GRID2: variants seen among roughly 807,000 people sequenced by gnomAD.
The protein encoded by GRID2 is glutamate receptor ionotropic, delta-2.
Under a neutral mutation model 114.8 loss-of-function variants are expected in GRID2, and 33 were observed. The observed-to-expected ratio is 0.29, with a 90% CI of 0.22 to 0.38. The LOEUF (loss-of-function observed/expected upper bound fraction) is 0.38. GRID2 is among the 10% of genes least tolerant of loss of function. The pLI, the probability that GRID2 is intolerant of heterozygous loss-of-function variation, is 1.00. For missense variants in GRID2, 1,184 were observed against 1,257.7 expected (o/e 0.94, Z 0.89); for synonymous variants, 505 against 449.9 (o/e 1.12, Z -1.55).
chr4:92,628,750 G>C (rs1263163632), intron 2 of GRID2, among the ~76,000 whole-genome samples: 1 of 151,938 alleles, frequency 6.6e-6, no homozygotes, highest in Non-Finnish European at 1.5e-5. Flanking sequence ...CTCCAATCTG[G>C]GCTTCTCTGA....
chr4:92,652,483 G>T (rs1233654375), intron 2 of GRID2, among the ~76,000 whole-genome samples: 1 of 151,518 alleles, frequency 6.6e-6, no homozygotes. Flanking sequence ...TTTGAGGCTT[G>T]CCTGGGCACC....
intron 10 of GRID2, among the ~76,000 whole-genome samples, chr4:93,447,955 C>T (rs182536611): frequency 2.0e-5 from 3 of 151,668 alleles, no homozygotes; most frequent in Middle Eastern, 3.6e-3. Context: ...ATATTTAATC[C>T]GTCAGCATAT....
At chr4:93,506,244 C>T (rs763822652) in intron 12 of GRID2, among the ~76,000 whole-genome samples, 6 of 152,118 alleles carry the variant, frequency 3.9e-5, no homozygotes, top group African/African-American at 7.2e-5. Flanking sequence ...ACCCAGAATA[C>T]TTTCGTCGGG....
rs189680634 is a variant in GRID2, at chr4:92,919,094, T to C, written c.245-165901T>C. On this transcript the variant is annotated intron_variant, in intron 2 of 15. Coordinates refer to ENST00000282020, the MANE Select transcript of GRID2 (RefSeq NM_001510.4). Reference sequence around the variant, plus strand: ...TTTAGTCTTGGAAGAGTGTATGTGTTGAGGAATTTATCCATTTTTTCTAGA... The same window carrying C: ...TTTAGTCTTGGAAGAGTGTATGTGTCGAGGAATTTATCCATTTTTTCTAGA... 2.2e-4 allele frequency among the ~76,000 whole-genome samples: 33 copies of C among 152,176 alleles called. No homozygotes were observed. The East Asian group carries it at 6.0e-3, about 28-fold the overall frequency.
chr4:92,477,562 A>G (rs1722379019), intron 1 of GRID2, among the ~76,000 whole-genome samples: 1 of 151,706 alleles, frequency 6.6e-6, no homozygotes, highest in African/African-American at 2.4e-5. Flanking sequence ...TTATCACTCT[A>G]ACCCTCTAGG....
At chr4:93,368,932 A>G (rs770317905) in intron 8 of GRID2, among the ~76,000 whole-genome samples, 46 of 151,974 alleles carry the variant, frequency 3.0e-4, no homozygotes, top group Non-Finnish European at 5.9e-5. Flanking sequence ...AGTTTTAGTT[A>G]TTGATTCAAC....
intron 4 of GRID2, chr4:93,164,660 A>G (rs557866195): frequency 3.4e-5 from 13 of 382,062 alleles, no homozygotes; most frequent in Non-Finnish European, 5.5e-5. Context: ...AATACCGGTT[A>G]TCCTTGTTTG....
Position 92,415,732 on chromosome 4 carries a change from GTATGTGTGTATATATATATA to G in GRID2, c.88+110992_88+111011del, listed in dbSNP as rs1313307902. 6.8e-5 allele frequency among the ~76,000 whole-genome samples: 5 copies of G among 73,942 alleles called. No individual in the cohort carries two copies. The East Asian group carries it at 1.7e-3, about 26-fold the overall frequency. The allele number at this position is 73,942 out of a possible 152,430, so 48.5% of individuals were successfully genotyped here. A position where few individuals can be genotyped will look rare whatever the true frequency, so the allele number is the denominator to read the frequency against. ...TGTATGTGTGTGTGTGTGTGTGTGT[GTATGTGTGTATATATATATA>G]TATATATATATATATATATATATAT... On this transcript the variant is annotated intron_variant, in intron 1 of 15. Coordinates refer to ENST00000282020, the MANE Select transcript of GRID2 (RefSeq NM_001510.4).
intron 1 of GRID2, among the ~76,000 whole-genome samples, chr4:92,312,794 T>A (rs1175517332): frequency 6.6e-6 from 1 of 152,014 alleles, no homozygotes; most frequent in Non-Finnish European, 1.5e-5. Context: ...ACAGTAGATG[T>A]TGGCATGGAT....
intron 2 of GRID2, among the ~76,000 whole-genome samples, chr4:92,950,166 C>T (rs968588350): frequency 1.3e-5 from 2 of 152,100 alleles, no homozygotes; most frequent in Admixed American, 1.3e-4. Context: ...CTGCATCACA[C>T]CTTCTACTGA....
intron 2 of GRID2, among the ~76,000 whole-genome samples, chr4:92,872,946 G>C (rs1461910549): frequency 6.6e-6 from 1 of 152,198 alleles, no homozygotes; most frequent in Non-Finnish European, 1.5e-5. Flanking sequence ...GGAGATCTTA[G>C]AGGCCTTTCT....
At chr4:92,523,711 T>G (rs1440901144) in intron 1 of GRID2, among the ~76,000 whole-genome samples, 1 of 151,894 alleles carries the variant, frequency 6.6e-6, no homozygotes, top group East Asian at 1.9e-4. Flanking sequence ...TGATAGCAGG[T>G]TCAGCAGAGG....
chr4:93,542,692 G>C (rs1048163489), intron 13 of GRID2, among the ~76,000 whole-genome samples: 1 of 152,044 alleles, frequency 6.6e-6, no homozygotes, highest in Non-Finnish European at 1.5e-5. Flanking sequence ...AGAAGAGGTG[G>C]GTCTGGTCGC....
At chr4:92,824,470 C>G (rs1741545492) in intron 2 of GRID2, among the ~76,000 whole-genome samples, 1 of 151,928 alleles carries the variant, frequency 6.6e-6, no homozygotes, top group African/African-American at 2.4e-5. Context: ...AGTTTCATGG[C>G]TAGGGTTTTA....
rs115712265 is a variant in GRID2 at position 93,597,230 on chromosome 4, A to G, written c.2194-29039A>G. Reference sequence around the variant, plus strand: ...CCTCCCAAAGTCAGCTATTTTTTTAACAAATTGAAAATTAATTTACTTTGT... The same window carrying G: ...CCTCCCAAAGTCAGCTATTTTTTTAGCAAATTGAAAATTAATTTACTTTGT... On this transcript the variant is annotated intron_variant, in intron 13 of 15. Transcript: ENST00000282020. Among the ~76,000 whole-genome samples the G allele has an allele frequency of 5.7e-3, 867 of 152,360 alleles. 12 individuals are homozygous for G. Among genetic ancestry groups the G allele is most frequent in the African/African-American group, 0.019 (797 of 41,596 alleles).
At chr4:93,114,813 A>T (rs935014720) in intron 4 of GRID2, among the ~76,000 whole-genome samples, 1 of 152,210 alleles carries the variant, frequency 6.6e-6, no homozygotes, top group Non-Finnish European at 1.5e-5. Context: ...TTCTGAAGAC[A>T]CAAAGAGAAA....
intron 2 of GRID2, among the ~76,000 whole-genome samples, chr4:92,646,475 T>TA (rs56077205): frequency 1.7e-3 from 256 of 152,012 alleles, no homozygotes; most frequent in African/African-American, 5.2e-3. Flanking sequence ...AAATCTTGAC[T>TA]AAAAAAAAAA....
chr4:92,612,407 T>G (rs1460538182), intron 2 of GRID2, among the ~76,000 whole-genome samples: 1 of 151,606 alleles, frequency 6.6e-6, no homozygotes, highest in East Asian at 2.0e-4. Context: ...TTTTTTTCTT[T>G]CTACCGACTT....
intron 1 of GRID2, among the ~76,000 whole-genome samples, chr4:92,418,973 C>G (rs1192839808): frequency 1.3e-5 from 2 of 152,216 alleles, no homozygotes; most frequent in Admixed American, 1.3e-4. Context: ...ATATCTCTCT[C>G]CCTCTCTTTC....
Sources: allele counts gnomAD v4.1 joint callset (sites outside exome capture counted in the v4.1 genomes callset), GRCh38; gene constraint gnomAD v4.1.1; transcripts MANE v1.5; gene names NCBI Gene and HGNC (gene_info 2026-07-23, HGNC 2026-07-21).